AGBL4: variants seen among roughly 807,000 people sequenced by gnomAD.
AGBL4 encodes the protein cytosolic carboxypeptidase 6.
A neutral mutation model predicts 66.4 loss-of-function variants in AGBL4; 58 were observed. The ratio of observed to expected loss-of-function variants is 0.87; its 90% CI spans 0.71 to 1.09. AGBL4 has a LOEUF of 1.09. Ranked by LOEUF, AGBL4 falls within the 50% of genes least tolerant of loss-of-function variation. The probability of loss-of-function intolerance (pLI) is 0.00; values close to 1 mark genes in which losing one functional copy is unlikely to be tolerated. For missense variants in AGBL4, 579 were observed against 631.0 expected, an observed-to-expected ratio of 0.92 and a Z score of 0.88; for synonymous variants, 234 against 222.9, an observed-to-expected ratio of 1.05 and a Z score of -0.44.
intron 11 of AGBL4, among the ~76,000 whole-genome samples, chr1:48,578,457 T>C (rs2798122): frequency 0.27 from 41,641 of 152,088 alleles, 6,863 homozygotes; most frequent in Middle Eastern, 0.37. Flanking sequence ...GGAAGCTTTT[T>C]TCACTTATGA....
chr1:49,717,579 C>G (rs1048939822), intron 2 of AGBL4, among the ~76,000 whole-genome samples: 1 of 151,948 alleles, frequency 6.6e-6, no homozygotes, highest in Non-Finnish European at 1.5e-5. Flanking sequence ...ATCCTGATTC[C>G]TCTCACCTGC....
intron 5 of AGBL4, among the ~76,000 whole-genome samples, chr1:48,868,098 T>C (rs1174728515): frequency 2.0e-5 from 3 of 152,224 alleles, no homozygotes; most frequent in South Asian, 4.1e-4. Flanking sequence ...TGCTGACCTC[T>C]TTCTCTTTCC....
chr1:49,659,856 C>T (rs1014093361), intron 3 of AGBL4, among the ~76,000 whole-genome samples: 1 of 152,140 alleles, frequency 6.6e-6, no homozygotes, highest in Non-Finnish European at 1.5e-5. Context: ...AAATCAATCA[C>T]ATATTTGGAA....
chr1:48,772,428 A>G (rs1644882352), intron 6 of AGBL4, among the ~76,000 whole-genome samples: 1 of 152,210 alleles, frequency 6.6e-6, no homozygotes, highest in Admixed American at 6.5e-5. Flanking sequence ...CCTTGCAGGC[A>G]GAGGCCCCAT....
chr1:48,692,756 T>C (rs1325159536), intron 6 of AGBL4, among the ~76,000 whole-genome samples: 1 of 152,186 alleles, frequency 6.6e-6, no homozygotes, highest in African/African-American at 2.4e-5. Context: ...TGTAGGCTAG[T>C]GACCACCTCT....
intron 1 of AGBL4, among the ~76,000 whole-genome samples, chr1:49,987,771 G>A (rs1032250590): frequency 8.6e-5 from 13 of 151,738 alleles, no homozygotes; most frequent in African/African-American, 3.1e-4. Flanking sequence ...TTCTCATGAT[G>A]TAACTTTTTA....
intron 3 of AGBL4, among the ~76,000 whole-genome samples, chr1:49,531,817 T>C (rs1366277055): frequency 6.6e-6 from 1 of 152,094 alleles, no homozygotes; most frequent in African/African-American, 2.4e-5. Flanking sequence ...TATTGATGAC[T>C]ATCCATCTCA....
intron 3 of AGBL4, among the ~76,000 whole-genome samples, chr1:49,534,009 G>C (rs1651354367): frequency 6.6e-6 from 1 of 151,760 alleles, no homozygotes; most frequent in Non-Finnish European, 1.5e-5. Flanking sequence ...TTCTAAAGAG[G>C]GGTCAAATTT....
intron 6 of AGBL4, among the ~76,000 whole-genome samples, chr1:48,723,889 C>T (rs957770964): frequency 1.5e-4 from 23 of 152,066 alleles, no homozygotes; most frequent in African/African-American, 5.3e-4. Flanking sequence ...TCTAAAAATC[C>T]AAGGAAGTGT....
intron 1 of AGBL4, among the ~76,000 whole-genome samples, chr1:49,912,411 A>C (rs1301573629): frequency 6.6e-6 from 1 of 152,268 alleles, no homozygotes; most frequent in Non-Finnish European, 1.5e-5. Flanking sequence ...GAACGCAGTA[A>C]TAAGAAACAG....
intron 5 of AGBL4, among the ~76,000 whole-genome samples, chr1:49,018,860 C>G (rs369055310): frequency 6.6e-6 from 1 of 152,144 alleles, no homozygotes; most frequent in Non-Finnish European, 1.5e-5. Flanking sequence ...TAACAATATT[C>G]TCTGACCTTT....
chr1:49,366,011 A>G (rs910028599), intron 3 of AGBL4, among the ~76,000 whole-genome samples: 1 of 152,202 alleles, frequency 6.6e-6, no homozygotes, highest in Non-Finnish European at 1.5e-5. Flanking sequence ...AAAGACACAG[A>G]TTTTAAGGAT....
intron 3 of AGBL4, among the ~76,000 whole-genome samples, chr1:49,421,502 G>A (rs1164694805): frequency 2.6e-5 from 4 of 152,108 alleles, no homozygotes; most frequent in South Asian, 4.1e-4. Flanking sequence ...CATCAATGTC[G>A]TGTTTTCAAT....
chr1:49,641,858 C>A (rs1001145745), intron 3 of AGBL4, among the ~76,000 whole-genome samples: 1 of 151,946 alleles, frequency 6.6e-6, no homozygotes, highest in African/African-American at 2.4e-5. Flanking sequence ...CTAACAAGCA[C>A]CTTGCACAAT....
At chr1:49,923,168 A>G (rs1378307274) in intron 1 of AGBL4, among the ~76,000 whole-genome samples, 9 of 152,062 alleles carry the variant, frequency 5.9e-5, no homozygotes, top group Non-Finnish European at 1.2e-4. Context: ...GACTGCAAAC[A>G]AACAACTATC....
At chr1:49,613,282 C>T (rs1231606875) in intron 3 of AGBL4, among the ~76,000 whole-genome samples, 1 of 151,890 alleles carries the variant, frequency 6.6e-6, no homozygotes, top group Admixed American at 6.6e-5. Context: ...TTGGGTACCA[C>T]ACTCAGTACC....
At chr1:48,663,541 ACTTT>A in intron 6 of AGBL4, among the ~76,000 whole-genome samples, 1 of 152,326 alleles carries the variant, frequency 6.6e-6, no homozygotes, top group African/African-American at 2.4e-5. Context: ...ACTGACTGTG[ACTTT>A]AGGCAACTTG....
chr1:48,541,389 G>A (rs1184851745), intron 11 of AGBL4, among the ~76,000 whole-genome samples: 1 of 152,216 alleles, frequency 6.6e-6, no homozygotes, highest in Non-Finnish European at 1.5e-5. Context: ...CAAGCTCTAT[G>A]AGGCAGAGGT....
intron 5 of AGBL4, among the ~76,000 whole-genome samples, chr1:48,887,279 A>G (rs192814802): frequency 6.6e-6 from 1 of 152,248 alleles, no homozygotes; most frequent in Admixed American, 6.5e-5. Flanking sequence ...TCTATGCCCT[A>G]CTTAGGAGTT....
Sources: gnomAD v4.1 joint callset for allele counts (sites outside exome capture counted in the v4.1 genomes callset) on GRCh38, gnomAD v4.1.1 for gene constraint, MANE v1.5 for transcripts, NCBI Gene and HGNC (gene_info 2026-07-23, HGNC 2026-07-21) for gene names.